STAU2: variants seen among roughly 807,000 people sequenced by gnomAD.
The protein encoded by STAU2 is double-stranded RNA-binding protein Staufen homolog 2.
Under a neutral mutation model 65.9 loss-of-function variants are expected in STAU2, and 20 were observed. The ratio of observed to expected loss-of-function variants is 0.30; its 90% CI spans 0.21 to 0.44. The LOEUF is 0.44. STAU2 is among the 20% of genes least tolerant of loss of function. The probability of loss-of-function intolerance (pLI) is 1.00; values close to 1 mark genes in which losing one functional copy is unlikely to be tolerated. For missense variants in STAU2, 558 were observed against 683.9 expected (o/e 0.82, Z 2.05); for synonymous variants, 232 against 233.9 (o/e 0.99, Z 0.07).
intron 4 of STAU2, among the ~76,000 whole-genome samples, chr8:73,700,072 A>G (rs182040548): frequency 1.0e-3 from 156 of 152,158 alleles, no homozygotes; most frequent in Non-Finnish European, 1.6e-3. Flanking sequence ...AAGGACAAAA[A>G]CCATACATTT....
chr8:73,669,505 G>A (rs1387684663), intron 6 of STAU2, among the ~76,000 whole-genome samples: 2 of 152,118 alleles, frequency 1.3e-5, no homozygotes, highest in Non-Finnish European at 2.9e-5. Flanking sequence ...AAAATCACAT[G>A]ATCCCTGTCT....
intron 12 of STAU2, among the ~76,000 whole-genome samples, chr8:73,576,319 A>G (rs1809547247): frequency 6.6e-6 from 1 of 152,194 alleles, no homozygotes; most frequent in Admixed American, 6.5e-5. Flanking sequence ...ACAAAACAAA[A>G]TAATCTTAAA....
intron 12 of STAU2, among the ~76,000 whole-genome samples, chr8:73,573,141 T>A (rs1809240420): frequency 6.6e-6 from 1 of 152,122 alleles, no homozygotes; most frequent in Non-Finnish European, 1.5e-5. Flanking sequence ...ATGAGTGAAC[T>A]CCCATTCACA....
intron 11 of STAU2, among the ~76,000 whole-genome samples, chr8:73,592,488 A>T (rs918312942): frequency 7.9e-5 from 12 of 152,054 alleles, no homozygotes; most frequent in African/African-American, 2.9e-4. Flanking sequence ...TTAAAATCTG[A>T]GTTTGTAGTT....
At chr8:73,547,456 T>C (rs963322937) in intron 13 of STAU2, among the ~76,000 whole-genome samples, 1 of 152,194 alleles carries the variant, frequency 6.6e-6, no homozygotes, top group African/African-American at 2.4e-5. Context: ...CCTTGGACTT[T>C]GGCCTGCATA....
intron 6 of STAU2, among the ~76,000 whole-genome samples, chr8:73,623,286 T>C (rs1306393318): frequency 6.6e-6 from 1 of 152,226 alleles, no homozygotes; most frequent in African/African-American, 2.4e-5. Flanking sequence ...ATGTCCTCCC[T>C]ACCATTCTGT....
At chr8:73,700,139 C>G (rs1819989472) in intron 4 of STAU2, among the ~76,000 whole-genome samples, 1 of 152,004 alleles carries the variant, frequency 6.6e-6, no homozygotes, top group Non-Finnish European at 1.5e-5. Context: ...GATAAAAACC[C>G]TCAAATAACT....
At chr8:73,567,217 TA>T (rs201843839) in intron 12 of STAU2, among the ~76,000 whole-genome samples, 2 of 151,806 alleles carry the variant, frequency 1.3e-5, no homozygotes, top group Admixed American at 6.6e-5. Context: ...TTTTTAAGAT[TA>T]AAAAAAAGGC....
At chr8:73,732,397 T>C (rs1432311177) in intron 3 of STAU2, among the ~76,000 whole-genome samples, 3 of 152,326 alleles carry the variant, frequency 2.0e-5, no homozygotes, top group East Asian at 1.9e-4. Context: ...TAAACCTCAA[T>C]ACAGTGTGTA....
intron 2 of STAU2, among the ~76,000 whole-genome samples, chr8:73,738,842 T>A (rs1806628659): frequency 6.6e-6 from 1 of 152,244 alleles, no homozygotes; most frequent in African/African-American, 2.4e-5. Flanking sequence ...ACACCACAAG[T>A]ATTCTCTTAG....
intron 11 of STAU2, among the ~76,000 whole-genome samples, chr8:73,589,219 C>T (rs1810595813): frequency 6.6e-6 from 1 of 152,158 alleles, no homozygotes; most frequent in Non-Finnish European, 1.5e-5. Context: ...ATGCAACCCT[C>T]GATCCAAAAA....
chr8:73,551,865 G>T, intron 13 of STAU2, 147 bp downstream of exon 13: 1 of 1,316,630 alleles, frequency 7.6e-7, no homozygotes, highest in Non-Finnish European at 9.7e-7. Flanking sequence ...TGGCTTTTTT[G>T]TCTGTCCTTT....
chr8:73,632,617 G>C (rs745321054), intron 6 of STAU2, among the ~76,000 whole-genome samples: 6 of 152,144 alleles, frequency 3.9e-5, no homozygotes, highest in Admixed American at 1.3e-4. Flanking sequence ...ATAAGACTGA[G>C]AACTCCAAAG....
Position 73,688,783 on chromosome 8 carries a change from G to T in STAU2, c.145C>A (p.Gln49Lys). 1 of 1,614,090 alleles carries T rather than the reference G, an allele frequency of 6.2e-7. No homozygotes were observed. The highest frequency in any genetic ancestry group is 8.5e-7 in the Non-Finnish European group (1 of 1,180,016). Residue 49 changes from glutamine to lysine, a missense_variant, in exon 5 of 15, where the codon CAG becomes AAG. This residue lies in a region of STAU2 where 112 missense variants were observed against 114.2 expected (regional missense o/e 0.98). Transcript: ENST00000524300. ...MFSVQLSLGE[Q>K]TWESEGSSIK... Reference sequence around the variant, plus strand: ...CTGCTGCCTTCGGATTCCCATGTCTGCTCACCAAGACTCAGCTGCACTGAG... The same window carrying T: ...CTGCTGCCTTCGGATTCCCATGTCTTCTCACCAAGACTCAGCTGCACTGAG...
chr8:73,608,509 A>T (rs1339554622), intron 9 of STAU2, among the ~76,000 whole-genome samples: 4 of 151,612 alleles, frequency 2.6e-5, no homozygotes. Context: ...CAGGAGGCTG[A>T]GGAAGGCAGG....
In STAU2 at chr8:73,744,720, G is replaced by A. The variant is rs867912890; in HGVS notation, c.-197+2063C>T. On this transcript the variant is annotated intron_variant, in intron 1 of 14. Coordinates refer to ENST00000524300, the MANE Select transcript of STAU2 (RefSeq NM_001164380.2). ...TGGTTTTCCAAGCTCAAGTATTTAG[G>A]AGTTAAGGATCACAATGTATGTAAC... is the stretch of plus-strand genomic sequence containing the variant. 2.6e-4 allele frequency among the ~76,000 whole-genome samples: 39 copies of A among 152,262 alleles called. 1 individual carries two copies. Among genetic ancestry groups the A allele is most frequent in the Middle Eastern group, 6.8e-3 (2 of 294 alleles).
chr8:73,567,508 G>T (rs1010497752), intron 12 of STAU2, among the ~76,000 whole-genome samples: 2 of 150,190 alleles, frequency 1.3e-5, no homozygotes, highest in Non-Finnish European at 3.0e-5. Flanking sequence ...ATTAAAAAAC[G>T]ATTAAAAAAA....
chr8:73,484,843 T>C (rs2128912459), intron 13 of STAU2, among the ~76,000 whole-genome samples: 1 of 152,202 alleles, frequency 6.6e-6, no homozygotes, highest in Non-Finnish European at 1.5e-5. Flanking sequence ...TCAAATTACG[T>C]ACAAAGGTTT....
chr8:73,455,401 T>C (rs925281603), intron 13 of STAU2, among the ~76,000 whole-genome samples: 1 of 152,068 alleles, frequency 6.6e-6, no homozygotes, highest in Non-Finnish European at 1.5e-5. Context: ...GGAGTACAGG[T>C]TGGGAGTCAA....
Sources: gnomAD v4.1 joint callset for allele counts (sites outside exome capture counted in the v4.1 genomes callset) on GRCh38, gnomAD v4.1.1 for gene constraint, gnomAD v4.1.1 regional missense constraint, MANE v1.5 for transcripts, NCBI Gene and HGNC (gene_info 2026-07-23, HGNC 2026-07-21) for gene names.